Variants in MGRN1 observed in about 807,000 individuals in gnomAD.
MGRN1 encodes mahogunin ring finger 1.
In MGRN1, 29 loss-of-function variants were observed where a neutral mutation model predicts 69.2. The observed-to-expected ratio is 0.42, with a 90% CI of 0.31 to 0.57. The LOEUF (loss-of-function observed/expected upper bound fraction) is 0.57. Among genes scored for constraint, MGRN1 ranks in the 20% least tolerant of loss-of-function variants. The pLI, the probability that MGRN1 is intolerant of heterozygous loss-of-function variation, is 0.15. For synonymous variants in MGRN1, 470 were observed against 344.2 expected (o/e 1.37, Z -4.04); for missense variants, 998 against 796.2 (o/e 1.25, Z -3.05).
rs1331803395 is a variant in MGRN1 at position 4,689,003 on chromosome 16, A to G, written c.*95A>G. The G allele has an allele frequency of 3.5e-6, 5 of 1,435,530 alleles. No individual in the cohort carries two copies. The highest frequency in any genetic ancestry group is 2.5e-5 in the East Asian group (1 of 39,594). The allele number at this position is 1,435,530 out of a possible 1,614,324, so 88.9% of individuals were successfully genotyped here. A position where few individuals can be genotyped will look rare whatever the true frequency, so the allele number is the denominator to read the frequency against. ...CGTTGTGAGCCGGCCTCCTGTCTGC[A>G]TGCCCCCTGTGGCCACCAGGCTCCG... is the stretch of plus-strand genomic sequence containing the variant. On this transcript the variant is annotated 3_prime_UTR_variant, in exon 17 of 17. Coordinates refer to ENST00000262370, the MANE Select transcript of MGRN1 (RefSeq NM_015246.4).
At chr16:4,655,137 C>T (rs1270688637) in intron 4 of MGRN1, among the ~76,000 whole-genome samples, 1 of 152,134 alleles carries the variant, frequency 6.6e-6, no homozygotes, top group Non-Finnish European at 1.5e-5. Context: ...CGGGCCTGGC[C>T]GACATGGTGG....
At chr16:4,650,773 G>C in intron 2 of MGRN1, 2 of 297,694 alleles carry the variant, frequency 6.7e-6, no homozygotes, top group Non-Finnish European at 1.2e-5. Context: ...TGGTGGATTT[G>C]ATTCCAGCCT....
intron 12 of MGRN1, among the ~76,000 whole-genome samples, chr16:4,681,172 C>A (rs936042089): frequency 1.3e-5 from 2 of 152,226 alleles, no homozygotes; most frequent in African/African-American, 4.8e-5. Flanking sequence ...CCGTGTCTCT[C>A]GCCTCTGGCA....
chr16:4,675,789 T>C (rs1393949500), intron 10 of MGRN1, among the ~76,000 whole-genome samples: 1 of 151,170 alleles, frequency 6.6e-6, no homozygotes, highest in African/African-American at 2.4e-5. Context: ...GGGTAGAAAA[T>C]TGACCAAGGA....
chr16:4,653,655 A>C (rs1041067576), intron 4 of MGRN1, among the ~76,000 whole-genome samples: 1 of 148,742 alleles, frequency 6.7e-6, no homozygotes, highest in Non-Finnish European at 1.5e-5. Context: ...CGCTTGGCTA[A>C]TTTTTGTATT....
At chr16:4,638,663 C>T (rs1403277031) in intron 1 of MGRN1, among the ~76,000 whole-genome samples, 3 of 152,162 alleles carry the variant, frequency 2.0e-5, no homozygotes, top group African/African-American at 7.2e-5. Context: ...ATCCTGGGAC[C>T]TGATCTTGTG....
chr16:4,657,903 C>T (rs532367809), intron 5 of MGRN1, among the ~76,000 whole-genome samples: 16 of 151,826 alleles, frequency 1.1e-4, no homozygotes, highest in South Asian at 6.3e-4. Context: ...CCACCACGCC[C>T]GGCTAATTTT....
intron 16 of MGRN1, among the ~76,000 whole-genome samples, chr16:4,685,028 C>T (rs1205848185): frequency 2.0e-5 from 3 of 152,228 alleles, no homozygotes; most frequent in Admixed American, 6.5e-5. Flanking sequence ...ATGGGCTGGG[C>T]GTGACAGGTC....
chr16:4,652,530 A>G (rs2078431967), intron 3 of MGRN1, 148 bp from the exon 4 acceptor site: 1 of 1,054,546 alleles, frequency 9.5e-7, no homozygotes, highest in East Asian at 2.8e-5. Flanking sequence ...GCTTTCATGT[A>G]CAAATAGGAA....
At chr16:4,688,529 G>T (rs1426790937) in intron 16 of MGRN1, 1 of 1,245,712 alleles carries the variant, frequency 8.0e-7, no homozygotes, top group Non-Finnish European at 1.0e-6. Flanking sequence ...GTGCCGTGTC[G>T]CGCTCTGACT....
At chr16:4,686,157 G>C in intron 16 of MGRN1, 1 of 1,344,966 alleles carries the variant, frequency 7.4e-7, no homozygotes, top group South Asian at 1.3e-5. Context: ...GTTTCTAGAC[G>C]GCCTCGACCG....
rs544639050 is a variant in MGRN1 at position 4,661,084 on chromosome 16, G to T, written c.562-3625G>T. Among the ~76,000 whole-genome samples, 6 of 152,000 alleles carry T rather than the reference G, an allele frequency of 3.9e-5. No homozygotes were observed. The South Asian group carries it at 1.2e-3, about 32-fold the overall frequency. ...GCAGCCTCGAACTCCTGGGTTAAGCGATCCTCTCACCTCAACTTTCACAGT... is the reference window on the plus strand; with the variant it reads ...GCAGCCTCGAACTCCTGGGTTAAGCTATCCTCTCACCTCAACTTTCACAGT... On this transcript the variant is annotated intron_variant, in intron 5 of 16. Coordinates refer to ENST00000262370, the MANE Select transcript of MGRN1 (RefSeq NM_015246.4).
chr16:4,667,342 C>G (rs1032288535), intron 7 of MGRN1, among the ~76,000 whole-genome samples: 2 of 152,228 alleles, frequency 1.3e-5, no homozygotes, highest in African/African-American at 4.8e-5. Flanking sequence ...TGGGTCTGTT[C>G]TCTCCCGGGT....
chr16:4,673,217 C>T (rs1314840704), intron 9 of MGRN1, among the ~76,000 whole-genome samples: 1 of 152,110 alleles, frequency 6.6e-6, no homozygotes, highest in Non-Finnish European at 1.5e-5. Context: ...GCATCTGTTC[C>T]TCATTTTTTC....
At position 4,690,435 on chromosome 16, in the gene MGRN1, A is replaced by G. The variant is rs2079430146; in HGVS notation, c.*1527A>G. On this transcript the variant is annotated 3_prime_UTR_variant, in exon 17 of 17. Transcript: ENST00000262370. ...CCTGAGGCTCACGGTGGCTCCGAGCATGAGGTCCGCCTCCTGGGCGAGACC... is the reference window on the plus strand; with the variant it reads ...CCTGAGGCTCACGGTGGCTCCGAGCGTGAGGTCCGCCTCCTGGGCGAGACC... The G allele has an allele frequency of 6.6e-6, 1 of 152,012 alleles. No homozygotes were observed. Among genetic ancestry groups the G allele is most frequent in the Non-Finnish European group, 1.5e-5 (1 of 68,018 alleles). The allele number at this position is 152,012 out of a possible 1,614,324, so 9.4% of individuals were successfully genotyped here. A position where few individuals can be genotyped will look rare whatever the true frequency, so the allele number is the denominator to read the frequency against.
At chr16:4,687,362 A>G in intron 16 of MGRN1, 1 of 939,686 alleles carries the variant, frequency 1.1e-6, no homozygotes. Flanking sequence ...CAGTGTAGAA[A>G]ACATAGACCC....
Position 4,652,053 on chromosome 16 carries a change from TAACTTC to T in MGRN1, c.296+4_296+9del. ...CAAAGACTCCCTGCGGCTGGTGAGG[TAACTTC>T]ACCCTGCCCCTGGGGACCCTGTGGC... On this transcript the variant is annotated splice_donor_5th_base_variant and intron_variant, in intron 3 of 16. Transcript: ENST00000262370. The T allele has an allele frequency of 6.2e-7, 1 of 1,613,684 alleles. No individual in the cohort carries two copies. Among genetic ancestry groups the T allele is most frequent in the Non-Finnish European group, 8.5e-7 (1 of 1,179,756 alleles).
chr16:4,641,000 C>G (rs1232701139), intron 1 of MGRN1, among the ~76,000 whole-genome samples: 1 of 152,244 alleles, frequency 6.6e-6, no homozygotes, highest in Non-Finnish European at 1.5e-5. Flanking sequence ...GCGCTGACCT[C>G]AGCAGGTGTG....
Position 4,689,574 on chromosome 16 carries a change from A to C in MGRN1, c.*666A>C, listed in dbSNP as rs1001172098. On this transcript the variant is annotated 3_prime_UTR_variant, in exon 17 of 17. Coordinates refer to ENST00000262370, the MANE Select transcript of MGRN1 (RefSeq NM_015246.4). ...CTGGGCCTGGCCGAGGGGCGGAGGC[A>C]CAGCTGCTTCCAGCAGCCAGCATTC... 1 of 152,366 alleles carries C rather than the reference A, an allele frequency of 6.6e-6. No homozygotes were observed. Among genetic ancestry groups the C allele is most frequent in the African/African-American group, 2.4e-5 (1 of 41,464 alleles). 9.4% of individuals were successfully genotyped at this position (152,366 alleles called of 1,614,324 possible).
Sources: allele counts gnomAD v4.1 joint callset (sites outside exome capture counted in the v4.1 genomes callset), GRCh38; gene constraint gnomAD v4.1.1; transcripts MANE v1.5; gene names NCBI Gene and HGNC (gene_info 2026-07-23, HGNC 2026-07-21).